The following GRM1 variants were observed in gnomAD, a reference collection of about 807,000 sequenced individuals.
The protein encoded by GRM1 is metabotropic glutamate receptor 1.
In GRM1, 33 loss-of-function variants were observed where a neutral mutation model predicts 90.9. The observed-to-expected ratio is 0.36, with a 90% confidence interval of 0.28 to 0.49. The LOEUF is 0.49. GRM1 is among the 20% of genes least tolerant of loss of function. The pLI is 0.99. For synonymous variants in GRM1, 700 were observed against 613.2 expected (o/e 1.14, Z -2.09); for missense variants, 1,190 against 1,534.3 (o/e 0.78, Z 3.75).
At chr6:146,429,505 T>C (rs1487433241) in intron 7 of GRM1, among the ~76,000 whole-genome samples, 2 of 152,154 alleles carry the variant, frequency 1.3e-5, no homozygotes, top group Non-Finnish European at 2.9e-5. Flanking sequence ...GTCAAATAGT[T>C]CCTAGGCCTG....
intron 3 of GRM1, among the ~76,000 whole-genome samples, chr6:146,312,349 CAAAAAAAAAA>C (rs1166008558): frequency 5.2e-4 from 11 of 21,336 alleles, no homozygotes; most frequent in African/African-American, 8.3e-4. Flanking sequence ...AACTCCGTCT[CAAAAAAAAAA>C]AAAAAAAAAA....
intron 5 of GRM1, among the ~76,000 whole-genome samples, chr6:146,376,065 C>A (rs948059092): frequency 6.6e-6 from 1 of 151,942 alleles, no homozygotes; most frequent in Non-Finnish European, 1.5e-5. Context: ...TTTAAGGTTA[C>A]AATGAGGCTT....
At position 146,195,545 on chromosome 6, in the gene GRM1, C is replaced by T. The variant is rs572637720; in HGVS notation, c.950+35948C>T. On this transcript the variant is annotated intron_variant, in intron 2 of 7. Transcript: ENST00000282753. Reference sequence around the variant, plus strand: ...TTCTCTTCTCCTCCAACAGTAAGTGCACAGGGGCAGGACTTGACCCTGTGT... The same window carrying T: ...TTCTCTTCTCCTCCAACAGTAAGTGTACAGGGGCAGGACTTGACCCTGTGT... Among the ~76,000 whole-genome samples, 15 of 152,314 alleles carry T rather than the reference C, an allele frequency of 9.8e-5. No individual in the cohort carries two copies. The East Asian group carries it at 2.5e-3, about 25-fold the overall frequency.
intron 3 of GRM1, among the ~76,000 whole-genome samples, chr6:146,350,544 G>A (rs1470884096): frequency 1.3e-5 from 2 of 151,808 alleles, no homozygotes; most frequent in Admixed American, 6.6e-5. Flanking sequence ...GGTTCTAGGC[G>A]AGCCTATAAG....
At chr6:146,155,214 G>A (rs1777479794) in intron 1 of GRM1, among the ~76,000 whole-genome samples, 1 of 152,192 alleles carries the variant, frequency 6.6e-6, no homozygotes, top group South Asian at 2.1e-4. Flanking sequence ...TTGGGAAACA[G>A]TGGGCCACCC....
At chr6:146,261,155 C>T (rs958900348) in intron 2 of GRM1, among the ~76,000 whole-genome samples, 1 of 151,786 alleles carries the variant, frequency 6.6e-6, no homozygotes, top group Non-Finnish European at 1.5e-5. Flanking sequence ...AAGCTACAGA[C>T]CGTGGAATTA....
In GRM1 at chr6:146,435,072, T is replaced by C. The variant is rs1778554842; in HGVS notation, c.*276T>C. 1.8e-6 allele frequency: 1 copy of C among 566,566 alleles called. No individual in the cohort carries two copies. The highest frequency in any genetic ancestry group is 3.2e-6 in the Non-Finnish European group (1 of 316,110). 35.1% of individuals were successfully genotyped at this position (566,566 alleles called of 1,614,324 possible). Reference sequence around the variant, plus strand: ...AATTCTGACAAAGCACAATTCCATATGGTATGTAACTTTTATCACAAATCA... The same window carrying C: ...AATTCTGACAAAGCACAATTCCATACGGTATGTAACTTTTATCACAAATCA... On this transcript the variant is annotated 3_prime_UTR_variant, in exon 8 of 8. Coordinates refer to ENST00000282753, the MANE Select transcript of GRM1 (RefSeq NM_001278064.2).
intron 7 of GRM1, among the ~76,000 whole-genome samples, chr6:146,415,285 CCCTCATGACCT>C (rs1301419868): frequency 2.3e-4 from 35 of 152,168 alleles, no homozygotes; most frequent in African/African-American, 7.2e-4. Context: ...GAAGCCTCTA[CCCTCATGACCT>C]AATTGCCTCC....
chr6:146,368,164 C>T (rs1357470874), intron 5 of GRM1, among the ~76,000 whole-genome samples: 5 of 149,070 alleles, frequency 3.4e-5, no homozygotes, highest in Admixed American at 6.8e-5. Flanking sequence ...TCAGATTGTT[C>T]ACTATTGGCA....
intron 7 of GRM1, among the ~76,000 whole-genome samples, chr6:146,419,177 A>C (rs2114652930): frequency 6.6e-6 from 1 of 152,322 alleles, no homozygotes; most frequent in Admixed American, 6.5e-5. Context: ...CCTTTAGGGA[A>C]CCTAAACATT....
intron 2 of GRM1, among the ~76,000 whole-genome samples, chr6:146,259,397 A>G (rs1280005152): frequency 6.6e-6 from 1 of 152,176 alleles, no homozygotes; most frequent in African/African-American, 2.4e-5. Context: ...AATGTTGTAC[A>G]TTGGATGTTT....
intron 3 of GRM1, among the ~76,000 whole-genome samples, chr6:146,345,431 T>C (rs1452567884): frequency 1.3e-5 from 2 of 152,232 alleles, no homozygotes; most frequent in African/African-American, 4.8e-5. Context: ...AGACCTCATA[T>C]TGGTTACCAG....
chr6:146,272,625 CAA>C (rs1782209434), intron 2 of GRM1, among the ~76,000 whole-genome samples: 2 of 152,048 alleles, frequency 1.3e-5, no homozygotes, highest in South Asian at 4.1e-4. Context: ...TGAGGAGAGA[CAA>C]AGAGGATTTG....
At chr6:146,172,013 C>A (rs901051553) in intron 2 of GRM1, among the ~76,000 whole-genome samples, 1 of 151,746 alleles carries the variant, frequency 6.6e-6, no homozygotes, top group South Asian at 2.1e-4. Flanking sequence ...TTAATATGGT[C>A]CTACCTTGAG....
At chr6:146,308,148 G>A (rs1173655933) in intron 3 of GRM1, among the ~76,000 whole-genome samples, 1 of 152,152 alleles carries the variant, frequency 6.6e-6, no homozygotes, top group Non-Finnish European at 1.5e-5. Flanking sequence ...TTCCTGATGA[G>A]ACTTATTAGA....
chr6:146,388,786 C>G (rs901191053), intron 6 of GRM1, among the ~76,000 whole-genome samples: 20 of 152,068 alleles, frequency 1.3e-4, no homozygotes, highest in African/African-American at 4.6e-4. Context: ...TTGAGAAACA[C>G]CACTCTCTGG....
At chr6:146,281,867 G>A (rs1380873556) in intron 2 of GRM1, among the ~76,000 whole-genome samples, 1 of 152,186 alleles carries the variant, frequency 6.6e-6, no homozygotes, top group Non-Finnish European at 1.5e-5. Context: ...ATTCATGCAT[G>A]TGTACATTTG....
chr6:146,186,393 T>C lies in GRM1; in HGVS notation c.950+26796T>C, dbSNP rs574091120. ...GTTTGGGCTGGAAATCAGTTGTCTCTGTATTCCTGAATTCAAGGACACAGA... is the reference window on the plus strand; with the variant it reads ...GTTTGGGCTGGAAATCAGTTGTCTCCGTATTCCTGAATTCAAGGACACAGA... On this transcript the variant is annotated intron_variant, in intron 2 of 7. Coordinates refer to ENST00000282753, the MANE Select transcript of GRM1 (RefSeq NM_001278064.2). Among the ~76,000 whole-genome samples the C allele has an allele frequency of 1.9e-4, 29 of 152,306 alleles. No homozygotes were observed. The South Asian group carries it at 3.1e-3, about 16-fold the overall frequency.
At chr6:146,049,651 A>ATATCTATCTATC (rs143624231) in intron 1 of GRM1, among the ~76,000 whole-genome samples, 160 of 147,582 alleles carry the variant, frequency 1.1e-3, no homozygotes, top group East Asian at 2.4e-3. Context: ...ACCTCCTTTC[A>ATATCTATCTATC]TATCTATCTA....
Sources: allele counts gnomAD v4.1 joint callset (sites outside exome capture counted in the v4.1 genomes callset), GRCh38; gene constraint gnomAD v4.1.1; transcripts MANE v1.5; gene names NCBI Gene and HGNC (gene_info 2026-07-23, HGNC 2026-07-21).